The following AMBRA1 variants were observed in gnomAD, a reference collection of about 807,000 sequenced individuals.
AMBRA1 encodes activating molecule in BECN1-regulated autophagy protein 1.
Under a neutral mutation model 125.4 loss-of-function variants are expected in AMBRA1, and 47 were observed. That is an observed-to-expected ratio of 0.37 (90% CI 0.30 to 0.48). AMBRA1 has a LOEUF of 0.48. AMBRA1 is among the 20% of genes least tolerant of loss of function. The pLI, the probability that AMBRA1 is intolerant of heterozygous loss-of-function variation, is 0.99. For missense variants in AMBRA1, 1,331 were observed against 1,693.4 expected, an observed-to-expected ratio of 0.79 and a Z score of 3.76; for synonymous variants, 626 against 655.5, an observed-to-expected ratio of 0.95 and a Z score of 0.69.
chr11:46,545,543 T>G, intron 5 of AMBRA1, 61 bp downstream of exon 5: 1 of 1,557,782 alleles, frequency 6.4e-7, no homozygotes, highest in Non-Finnish European at 8.7e-7. Context: ...TGACAGCCAG[T>G]AGAATGTTCT....
chr11:46,430,723 C>T (rs1315126481), intron 14 of AMBRA1, among the ~76,000 whole-genome samples: 1 of 152,082 alleles, frequency 6.6e-6, no homozygotes, highest in Non-Finnish European at 1.5e-5. Flanking sequence ...GTCTGTTGGC[C>T]CAACACATTT....
chr11:46,471,774 C>T (rs573528405), intron 11 of AMBRA1, among the ~76,000 whole-genome samples: 5 of 151,680 alleles, frequency 3.3e-5, no homozygotes, highest in East Asian at 4.0e-4. Context: ...ACTACAGGCA[C>T]GCGTCACCAT....
rs535589649 is a variant in AMBRA1, at chr11:46,550,468, G to A, written c.-120-1968C>T. 2.6e-4 allele frequency among the ~76,000 whole-genome samples: 39 copies of A among 152,258 alleles called. No homozygotes were observed. The South Asian group carries it at 6.8e-3, about 27-fold the overall frequency. On this transcript the variant is annotated intron_variant, in intron 1 of 17. Transcript: ENST00000683756. ...TCTCCCCCTTTACAATTAGCAATCT[G>A]TGGCAATTATTTGGCATCATGTAAA...
At chr11:46,462,776 G>GTTTTCTT in intron 11 of AMBRA1, among the ~76,000 whole-genome samples, 1 of 150,946 alleles carries the variant, frequency 6.6e-6, no homozygotes, top group Non-Finnish European at 1.5e-5. Flanking sequence ...TTTTGAGACA[G>GTTTTCTT]GGTATCACTC....
chr11:46,460,326 T>G (rs1175335190), intron 11 of AMBRA1, among the ~76,000 whole-genome samples: 1 of 77,778 alleles, frequency 1.3e-5, no homozygotes, highest in Non-Finnish European at 2.2e-5. Flanking sequence ...ACACAACTCT[T>G]TTTTTTTTTT....
At chr11:46,585,722 A>ATATATATATATATATATATATATATT (rs1349236549) in intron 1 of AMBRA1, among the ~76,000 whole-genome samples, 1 of 104,564 alleles carries the variant, frequency 9.6e-6, no homozygotes, top group Non-Finnish European at 2.0e-5. Flanking sequence ...ATATATATAT[A>ATATATATATATATATATATATATATT]TTCCTAGCTT....
At chr11:46,479,031 T>A (rs574318810) in intron 11 of AMBRA1, among the ~76,000 whole-genome samples, 2 of 152,162 alleles carry the variant, frequency 1.3e-5, no homozygotes, top group African/African-American at 4.8e-5. Context: ...AAACCCTGTC[T>A]CTACAAAAAA....
chr11:46,500,144 C>T (rs182983454), intron 9 of AMBRA1, among the ~76,000 whole-genome samples: 6 of 152,328 alleles, frequency 3.9e-5, no homozygotes, highest in Admixed American at 2.6e-4. Flanking sequence ...ATTCCGTAGA[C>T]AATAGCTGTC....
rs557218260 is a variant in AMBRA1, at chr11:46,547,503, C to A, written c.195-207G>T. The A allele has an allele frequency of 3.7e-4, 208 of 569,438 alleles. No homozygotes were observed. The African/African-American group carries it at 3.8e-3, about 10-fold the overall frequency. 35.3% of individuals were successfully genotyped at this position (569,438 alleles called of 1,614,324 possible). ...TTGTCCACACTGTCCCCAAATGACA[C>A]ATGCCACATTCGGAAAATATTTTTT... On this transcript the variant is annotated intron_variant, in intron 3 of 17. Coordinates refer to ENST00000683756, the MANE Select transcript of AMBRA1 (RefSeq NM_001387011.1).
At chr11:46,508,938 T>C (rs561894918) in intron 8 of AMBRA1, among the ~76,000 whole-genome samples, 5 of 152,342 alleles carry the variant, frequency 3.3e-5, no homozygotes, top group African/African-American at 1.2e-4. Context: ...GCATGATCTC[T>C]TGGAACCTCT....
intron 12 of AMBRA1, among the ~76,000 whole-genome samples, chr11:46,437,083 T>C (rs1000360642): frequency 6.6e-6 from 1 of 152,190 alleles, no homozygotes; most frequent in African/African-American, 2.4e-5. Flanking sequence ...CCTAGAAGGC[T>C]ATAGTAACCC....
intron 11 of AMBRA1, among the ~76,000 whole-genome samples, chr11:46,453,534 T>A (rs1948717173): frequency 6.6e-6 from 1 of 152,222 alleles, no homozygotes; most frequent in South Asian, 2.1e-4. Context: ...GAAAATATAC[T>A]GTGTGGAAAA....
intron 11 of AMBRA1, among the ~76,000 whole-genome samples, chr11:46,488,461 CA>C (rs74910564): frequency 0.063 from 8,846 of 139,924 alleles, 731 homozygotes; most frequent in African/African-American, 0.19. Context: ...CAAAACAAAA[CA>C]AAAAAAAAAA....
chr11:46,522,408 C>T (rs1383232973), intron 7 of AMBRA1, among the ~76,000 whole-genome samples: 1 of 152,158 alleles, frequency 6.6e-6, no homozygotes, highest in African/African-American at 2.4e-5. Flanking sequence ...GTATCCAAAT[C>T]CATTTCCCTG....
rs140796587 is a variant in AMBRA1 at position 46,542,390 on chromosome 11, G to T, written c.1627C>A (p.Pro543Thr). The T allele has an allele frequency of 3.1e-6, 5 of 1,613,952 alleles. No homozygotes were observed. The African/African-American group carries it at 6.7e-5, about 22-fold the overall frequency. The change falls in exon 7 of 18, where the codon CCA (proline) becomes ACA (threonine). Residue 543 changes from proline to threonine, a missense_variant. Transcript: ENST00000683756. The surrounding 1 kb of genome is among the most constrained non-coding windows in gnomAD (Gnocchi z 5.9). ...GGGGTGGGCTGGTGGGAAGGGCCTG[G>T]CCTCTCAGATTCAATGTTATTGTTG... ...MLNNNIESER[P>T]GPSHQPTPHS...
At chr11:46,454,105 C>A (rs892275604) in intron 11 of AMBRA1, among the ~76,000 whole-genome samples, 1 of 152,120 alleles carries the variant, frequency 6.6e-6, no homozygotes, top group Non-Finnish European at 1.5e-5. Flanking sequence ...GCCAATATAG[C>A]AATGATAGTC....
At chr11:46,398,444 G>A (rs960247718) in intron 17 of AMBRA1, among the ~76,000 whole-genome samples, 2 of 152,166 alleles carry the variant, frequency 1.3e-5, no homozygotes. Context: ...GCGTAGTTTT[G>A]TGTTACCTCC....
chr11:46,463,965 T>C (rs1039691331), intron 11 of AMBRA1, among the ~76,000 whole-genome samples: 5 of 152,234 alleles, frequency 3.3e-5, no homozygotes, highest in African/African-American at 1.2e-4. Context: ...AGCCATTTCA[T>C]GCTCTGAAAA....
At chr11:46,441,750 C>T (rs1948019040) in intron 12 of AMBRA1, among the ~76,000 whole-genome samples, 2 of 151,992 alleles carry the variant, frequency 1.3e-5, no homozygotes, top group African/African-American at 2.4e-5. Context: ...GAAAGAGGAG[C>T]AGAACTGTCA....
Sources: allele counts gnomAD v4.1 joint callset (sites outside exome capture counted in the v4.1 genomes callset), GRCh38; gene constraint gnomAD v4.1.1; non-coding constraint Gnocchi (gnomAD v3.1); transcripts MANE v1.5; gene names NCBI Gene and HGNC (gene_info 2026-07-23, HGNC 2026-07-21).